NRL: variants seen among roughly 807,000 people sequenced by gnomAD.
NRL encodes the protein neural retina-specific leucine zipper protein.
A neutral mutation model predicts 12.5 loss-of-function variants in NRL; 16 were observed. The ratio of observed to expected loss-of-function variants is 1.28; its 90% CI spans 0.87 to 1.95. The LOEUF is 1.95. NRL is among the 30% of genes most tolerant of loss of function. NRL has a pLI of 0.00. For missense variants in NRL, 314 were observed against 325.8 expected, an observed-to-expected ratio of 0.96 and a Z score of 0.28; for synonymous variants, 142 against 150.9, an observed-to-expected ratio of 0.94 and a Z score of 0.43.
In NRL at chr14:24,094,532, T is replaced by C. The variant is rs2036767478; in HGVS notation, c.-27-11657A>G. 1 of 1,442,430 alleles carries C rather than the reference T, an allele frequency of 6.9e-7. No homozygotes were observed. Among genetic ancestry groups the C allele is most frequent in the Non-Finnish European group, 9.1e-7 (1 of 1,102,908 alleles). The allele number at this position is 1,442,430 out of a possible 1,614,324, so 89.4% of individuals were successfully genotyped here. On this transcript the variant is annotated intron_variant, in intron 1 of 2. Transcript: ENST00000561028. The surrounding 1 kb of genome is among the most constrained non-coding windows in gnomAD (Gnocchi z 4.1). ...TCTCCTGCTCTCAGCCTCCGCCAGG[T>C]TTCCCATCCTAGGCGGAGGCGGGCA... is the stretch of plus-strand genomic sequence containing the variant.
At position 24,081,170 on chromosome 14, in the gene NRL, G is replaced by T; in HGVS notation, c.*66C>A. Reference sequence around the variant, plus strand: ...CTCTGGTAACGATGCAGAGAACCGTGCAGCCGCCTCCTGGGCGGAGCCACC... The same window carrying T: ...CTCTGGTAACGATGCAGAGAACCGTTCAGCCGCCTCCTGGGCGGAGCCACC... On this transcript the variant is annotated 3_prime_UTR_variant, in exon 3 of 3. Transcript: ENST00000561028. The surrounding 1 kb of genome is among the most constrained non-coding windows in gnomAD (Gnocchi z 4.4). 1 of 1,173,738 alleles carries T rather than the reference G, an allele frequency of 8.5e-7. No individual in the cohort carries two copies. Among genetic ancestry groups the T allele is most frequent in the Non-Finnish European group, 1.1e-6 (1 of 892,544 alleles). 72.7% of individuals were successfully genotyped at this position (1,173,738 alleles called of 1,614,324 possible). A position where few individuals can be genotyped will look rare whatever the true frequency, so the allele number is the denominator to read the frequency against.
At chr14:24,098,180 C>T (rs757911901) in intron 1 of NRL, 4 of 1,572,266 alleles carry the variant, frequency 2.5e-6, no homozygotes, top group Non-Finnish European at 2.6e-6. Context: ...CCACCATCTT[C>T]CTGACAATCC....
chr14:24,111,779 C>T (rs1356042654), intron 1 of NRL, among the ~76,000 whole-genome samples: 1 of 150,068 alleles, frequency 6.7e-6, no homozygotes, highest in Non-Finnish European at 1.5e-5. Flanking sequence ...ATGTCGTCTG[C>T]AAACAGGGAC....
chr14:24,099,560 C>A, intron 1 of NRL: 1 of 1,589,112 alleles, frequency 6.3e-7, no homozygotes, highest in South Asian at 1.2e-5. Context: ...ATGCACAGAT[C>A]CTGGGCATCA....
intron 1 of NRL, chr14:24,093,103 C>T (rs1413115711): frequency 6.6e-6 from 1 of 152,272 alleles, no homozygotes; most frequent in African/African-American, 2.4e-5. Flanking sequence ...GCAAGCCTAC[C>T]CCCAAGAGGG....
Position 24,094,287 on chromosome 14 carries a change from A to T in NRL, c.-27-11412T>A. On this transcript the variant is annotated intron_variant, in intron 1 of 2. Coordinates refer to ENST00000561028, the MANE Select transcript of NRL (RefSeq NM_001354768.3). This position sits in a 1 kb window ranked among gnomAD's most constrained non-coding sequence, Gnocchi z 4.1. ...CCCCGCGCCTGCCCCCCTCCTTTTT[A>T]AGCGCCTCCCGCCAGCCTCTGCTGT... is the stretch of plus-strand genomic sequence containing the variant. The T allele has an allele frequency of 5.1e-6, 5 of 979,332 alleles. No homozygotes were observed. The highest frequency in any genetic ancestry group is 1.7e-5 in the African/African-American group (1 of 58,766). 60.7% of individuals were successfully genotyped at this position (979,332 alleles called of 1,614,324 possible). A position where few individuals can be genotyped will look rare whatever the true frequency, so the allele number is the denominator to read the frequency against.
In NRL at chr14:24,094,589, C is replaced by T; in HGVS notation, c.-27-11714G>A. 4 of 1,451,384 alleles carry T rather than the reference C, an allele frequency of 2.8e-6. No individual in the cohort carries two copies. The highest frequency in any genetic ancestry group is 2.7e-6 in the Non-Finnish European group (3 of 1,105,314). The allele number at this position is 1,451,384 out of a possible 1,614,324, so 89.9% of individuals were successfully genotyped here. ...ACTGCTGTGGGTCCAGCCTCCCGCG[C>T]CGCGCGTCTCTTGGGAGGGCAGCCG... On this transcript the variant is annotated intron_variant, in intron 1 of 2. Coordinates refer to ENST00000561028, the MANE Select transcript of NRL (RefSeq NM_001354768.3). This position sits in a 1 kb window ranked among gnomAD's most constrained non-coding sequence, Gnocchi z 4.1.
At position 24,094,678 on chromosome 14, in the gene NRL, ATCTC is replaced by A. The variant is rs1281261416; in HGVS notation, c.-27-11807_-27-11804del. 2 of 1,516,944 alleles carry A rather than the reference ATCTC, an allele frequency of 1.3e-6. No individual in the cohort carries two copies. Among genetic ancestry groups the A allele is most frequent in the Non-Finnish European group, 1.8e-6 (2 of 1,135,000 alleles). The allele number at this position is 1,516,944 out of a possible 1,614,324, so 94.0% of individuals were successfully genotyped here. On this transcript the variant is annotated intron_variant, in intron 1 of 2. Coordinates refer to ENST00000561028, the MANE Select transcript of NRL (RefSeq NM_001354768.3). The surrounding 1 kb of genome is among the most constrained non-coding windows in gnomAD (Gnocchi z 4.1). ...TGCCTCGCTCGCCTCTGACCGCGCG[ATCTC>A]TATCTGCCACTCTCAGAACTTCCTC...
At chr14:24,114,031 C>G (rs2037475111) in intron 1 of NRL, among the ~76,000 whole-genome samples, 1 of 152,036 alleles carries the variant, frequency 6.6e-6, no homozygotes, top group Admixed American at 6.6e-5. Flanking sequence ...CTCATAAACC[C>G]GCAGGAGGGG....
Position 24,094,227 on chromosome 14 carries a change from G to T in NRL, c.-27-11352C>A, listed in dbSNP as rs1361726282. 1.7e-6 allele frequency: 1 copy of T among 601,644 alleles called. No individual in the cohort carries two copies. The highest frequency in any genetic ancestry group is 2.0e-5 in the African/African-American group (1 of 50,694). 37.3% of individuals were successfully genotyped at this position (601,644 alleles called of 1,614,324 possible). A position where few individuals can be genotyped will look rare whatever the true frequency, so the allele number is the denominator to read the frequency against. On this transcript the variant is annotated intron_variant, in intron 1 of 2. Coordinates refer to ENST00000561028, the MANE Select transcript of NRL (RefSeq NM_001354768.3). The surrounding 1 kb of genome is among the most constrained non-coding windows in gnomAD (Gnocchi z 4.1). ...GAGGGAGCTGGCCTGCCAGCGGGGC[G>T]GAGGAAAGCTAGTGCCAGCCCTACC...
At chr14:24,104,151 C>T in intron 1 of NRL, 1 of 593,834 alleles carries the variant, frequency 1.7e-6, no homozygotes. Context: ...GTTTTCATTT[C>T]CCACCTATCT....
At chr14:24,091,907 G>A (rs2036642818) in intron 1 of NRL, among the ~76,000 whole-genome samples, 1 of 152,124 alleles carries the variant, frequency 6.6e-6, no homozygotes, top group African/African-American at 2.4e-5. Context: ...GCCCAAGCAG[G>A]CATCTTGGAG....
In NRL at chr14:24,095,334, C is replaced by G. The variant is rs1028020818; in HGVS notation, c.-27-12459G>C. 77 of 424,206 alleles carry G rather than the reference C, an allele frequency of 1.8e-4. 1 individual carries two copies. The highest frequency in any genetic ancestry group is 3.1e-4 in the Non-Finnish European group (64 of 208,334). 26.3% of individuals were successfully genotyped at this position (424,206 alleles called of 1,614,324 possible). A position where few individuals can be genotyped will look rare whatever the true frequency, so the allele number is the denominator to read the frequency against. ...GTCCTCAAGACTGTGTGCTTGAAAA[C>G]TGATGCTCACGGAGAACTTCCCTCT... On this transcript the variant is annotated intron_variant, in intron 1 of 2. Coordinates refer to ENST00000561028, the MANE Select transcript of NRL (RefSeq NM_001354768.3).
At chr14:24,098,215 C>T in intron 1 of NRL, 1 of 1,610,138 alleles carries the variant, frequency 6.2e-7, no homozygotes, top group Non-Finnish European at 8.5e-7. Flanking sequence ...GGCTGGCCCG[C>T]ACAGACCCCA....
At chr14:24,082,144 C>T in intron 2 of NRL, 4 of 865,606 alleles carry the variant, frequency 4.6e-6, no homozygotes, top group Non-Finnish European at 5.5e-6. Flanking sequence ...ATAACCCTTT[C>T]CCTGGTTTCC....
intron 1 of NRL, chr14:24,104,176 C>T: frequency 3.5e-6 from 2 of 571,448 alleles, no homozygotes; most frequent in Non-Finnish European, 6.3e-6. Flanking sequence ...AGGCTTCCCT[C>T]TAACACCTGT....
rs1001484793 is a variant in NRL, at chr14:24,085,877, G to A, written c.-27-3002C>T. On this transcript the variant is annotated intron_variant, in intron 1 of 2. Transcript: ENST00000561028. The surrounding 1 kb of genome is among the most constrained non-coding windows in gnomAD (Gnocchi z 4.1). ...TTAAATCTACTGAGTCAGAAACTCC[G>A]GGGGTGGGGCCCAGAAATCTGTGTT... Among the ~76,000 whole-genome samples, 21 of 152,182 alleles carry A rather than the reference G, an allele frequency of 1.4e-4. No individual in the cohort carries two copies. The highest frequency in any genetic ancestry group is 1.2e-3 in the Admixed American group (19 of 15,280).
Position 24,081,866 on chromosome 14 carries a change from GGCATCC to G in NRL, c.382-304_382-299del. The G allele has an allele frequency of 1.5e-6, 2 of 1,364,258 alleles. No individual in the cohort carries two copies. Among genetic ancestry groups the G allele is most frequent in the East Asian group, 3.1e-5 (1 of 31,906 alleles). The allele number at this position is 1,364,258 out of a possible 1,614,324, so 84.5% of individuals were successfully genotyped here. Reference sequence around the variant, plus strand: ...CCCCGGGCTCGTCTCTGGGATCCCCGGCATCCAGCTCCAGGCCCGGGTGTGTCCAGT... The same window carrying G: ...CCCCGGGCTCGTCTCTGGGATCCCCGAGCTCCAGGCCCGGGTGTGTCCAGT... On this transcript the variant is annotated intron_variant, in intron 2 of 2. Coordinates refer to ENST00000561028, the MANE Select transcript of NRL (RefSeq NM_001354768.3). This position sits in a 1 kb window ranked among gnomAD's most constrained non-coding sequence, Gnocchi z 4.4.
At chr14:24,083,010 T>G (rs1220363687) in intron 1 of NRL, 135 bp from the exon 2 acceptor site, 1 of 810,780 alleles carries the variant, frequency 1.2e-6, no homozygotes, top group Non-Finnish European at 1.9e-6. Context: ...GCAGCTCTGT[T>G]CACTGCAGAG....
Sources: gnomAD v4.1 joint callset for allele counts (sites outside exome capture counted in the v4.1 genomes callset) on GRCh38, gnomAD v4.1.1 for gene constraint, Gnocchi (gnomAD v3.1) non-coding constraint, MANE v1.5 for transcripts, NCBI Gene and HGNC (gene_info 2026-07-23, HGNC 2026-07-21) for gene names.